UNC93B1: variants seen among roughly 807,000 people sequenced by gnomAD.
UNC93B1 encodes the protein protein unc-93 homolog B1.
A neutral mutation model predicts 56.8 loss-of-function variants in UNC93B1; 33 were observed. That is an observed-to-expected ratio of 0.58 (90% CI 0.44 to 0.78). The LOEUF is 0.78. UNC93B1 is among the 30% of genes least tolerant of loss of function. UNC93B1 has a pLI of 0.00. For synonymous variants in UNC93B1, 334 were observed against 358.6 expected, an observed-to-expected ratio of 0.93 and a Z score of 0.77; for missense variants, 673 against 819.5, an observed-to-expected ratio of 0.82 and a Z score of 2.18.
In UNC93B1 at chr11:68,002,185, TACAC is replaced by T. The variant is rs60629377; in HGVS notation, c.392+833_392+836del. Among the ~76,000 whole-genome samples the T allele has an allele frequency of 1.3e-3, 179 of 140,780 alleles. 1 individual carries two copies. Among genetic ancestry groups the T allele is most frequent in the Middle Eastern group, 7.1e-3 (2 of 280 alleles). The allele number at this position is 140,780 out of a possible 152,430, so 92.4% of individuals were successfully genotyped here. A position where few individuals can be genotyped will look rare whatever the true frequency, so the allele number is the denominator to read the frequency against. On this transcript the variant is annotated intron_variant, in intron 3 of 10. Transcript: ENST00000227471. ...CAAAAGCAAACATAGCCCGCTTGCA[TACAC>T]ACACACACACACACACACACACACA...
At chr11:67,996,253 A>G (rs1470665497) in intron 8 of UNC93B1, among the ~76,000 whole-genome samples, 1 of 151,902 alleles carries the variant, frequency 6.6e-6, no homozygotes, top group East Asian at 2.0e-4. Context: ...TCCTTAGGCC[A>G]CACCCTGCCC....
intron 9 of UNC93B1, 35 bp downstream of exon 9, chr11:67,995,576 G>T (rs868074860): frequency 6.7e-5 from 7 of 104,854 alleles, no homozygotes; most frequent in South Asian, 9.6e-5. Flanking sequence ...CCCCTGCCCC[G>T]CCCCCCCCCC....
At chr11:67,992,093 C>T (rs1298870892) in intron 10 of UNC93B1, among the ~76,000 whole-genome samples, 1 of 152,268 alleles carries the variant, frequency 6.6e-6, no homozygotes, top group Non-Finnish European at 1.5e-5. Flanking sequence ...GTGTCCCACA[C>T]TGTAAGGGGA....
At chr11:67,995,067 G>A (rs1856911870) in intron 9 of UNC93B1, among the ~76,000 whole-genome samples, 1 of 152,162 alleles carries the variant, frequency 6.6e-6, no homozygotes, top group Non-Finnish European at 1.5e-5. Flanking sequence ...TCTATACAAA[G>A]GCCCATGTCT....
At chr11:67,994,760 G>A (rs13377370) in intron 9 of UNC93B1, among the ~76,000 whole-genome samples, 2,195 of 152,314 alleles carry the variant, frequency 0.014, 45 homozygotes, top group African/African-American at 0.046. Context: ...GCCAGCCTCC[G>A]CCCTGCCAGC....
chr11:67,993,114 GAGTAGCT>G (rs1255825064), intron 10 of UNC93B1, among the ~76,000 whole-genome samples: 1 of 152,086 alleles, frequency 6.6e-6, no homozygotes, highest in African/African-American at 2.4e-5. Flanking sequence ...TCAGCCTCCT[GAGTAGCT>G]GTGATTACAG....
chr11:67,999,398 G>T (rs916081284), intron 4 of UNC93B1, 93 bp from the exon 5 acceptor site: 1 of 1,550,870 alleles, frequency 6.4e-7, no homozygotes, highest in Admixed American at 2.0e-5. Context: ...CAGCCCCGGT[G>T]TGGGGAAACT....
In UNC93B1 at chr11:68,003,392, C is replaced by T; in HGVS notation, c.239-217G>A. The stretch of plus-strand genomic sequence containing the variant: ...GCCCAGACCCCCACCCGCCTTGCTC[C>T]GCCGGCCTCCAATTCTGACGGTGGC... On this transcript the variant is annotated intron_variant, in intron 2 of 10. Transcript: ENST00000227471. The surrounding 1 kb of genome is among the most constrained non-coding windows in gnomAD (Gnocchi z 4.4). 1.2e-6 allele frequency: 1 copy of T among 818,112 alleles called. No individual in the cohort carries two copies. The highest frequency in any genetic ancestry group is 1.8e-6 in the Non-Finnish European group (1 of 553,066). The allele number at this position is 818,112 out of a possible 1,614,324, so 50.7% of individuals were successfully genotyped here.
intron 3 of UNC93B1, among the ~76,000 whole-genome samples, chr11:68,000,390 C>G (rs1857026263): frequency 6.6e-6 from 1 of 152,164 alleles, no homozygotes; most frequent in African/African-American, 2.4e-5. Context: ...ATAGGCCAGG[C>G]ACAGTGGCTC....
chr11:68,003,988 T>C lies in UNC93B1; in HGVS notation c.56A>G (p.Asp19Gly). 7.1e-7 allele frequency: 1 copy of C among 1,399,864 alleles called. No individual in the cohort carries two copies. The highest frequency in any genetic ancestry group is 1.5e-5 in the South Asian group (1 of 66,524). The allele number at this position is 1,399,864 out of a possible 1,614,324, so 86.7% of individuals were successfully genotyped here. A position where few individuals can be genotyped will look rare whatever the true frequency, so the allele number is the denominator to read the frequency against. The change falls in exon 1 of 11, where the codon GAC becomes GGC. Residue 19 changes from aspartate (D) to glycine (G), a missense_variant. Asp to Gly is a moderately conservative substitution (Grantham distance 94, BLOSUM62 -1). Coordinates refer to ENST00000227471, the MANE Select transcript of UNC93B1 (RefSeq NM_030930.4). The surrounding 1 kb of genome is among the most constrained non-coding windows in gnomAD (Gnocchi z 4.4). The stretch of plus-strand genomic sequence containing the variant: ...GTCCGGGACCCCGAGCAGGTCCTCG[T>C]CGCCCTGCGGCCCCGCAGCCCCCGC... ...PMAGAAGPQG[D>G]EDLLGVPDGP... is the part of the protein sequence containing the mutation.
rs568440748 is a variant in UNC93B1 at position 68,003,572 on chromosome 11, G to A, written c.238+85C>T. The A allele has an allele frequency of 6.8e-5, 99 of 1,459,726 alleles. No homozygotes were observed. The African/African-American group carries it at 1.4e-3, about 20-fold the overall frequency. 90.4% of individuals were successfully genotyped at this position (1,459,726 alleles called of 1,614,324 possible). On this transcript the variant is annotated intron_variant, in intron 2 of 10. Coordinates refer to ENST00000227471, the MANE Select transcript of UNC93B1 (RefSeq NM_030930.4). This position sits in a 1 kb window ranked among gnomAD's most constrained non-coding sequence, Gnocchi z 4.4. ...GGCAGCGGAGGGGAAGTGAGAGCGG[G>A]CGGGAGGCGGCGGCCCGCGGTTTCT...
In UNC93B1 at chr11:68,003,196, G is replaced by A. The variant is rs779123773; in HGVS notation, c.239-21C>T. The A allele has an allele frequency of 2.1e-5, 34 of 1,601,656 alleles. No homozygotes were observed. In the South Asian group the frequency reaches 3.2e-4, roughly 15 times the overall value. The stretch of plus-strand genomic sequence containing the variant: ...GAGGCCTGGGGACAGGACAGAGAGC[G>A]GCGTGCAGGGAGCAGCCTAGCTTTG... On this transcript the variant is annotated intron_variant, in intron 2 of 10. Transcript: ENST00000227471. This position sits in a 1 kb window ranked among gnomAD's most constrained non-coding sequence, Gnocchi z 4.4.
chr11:67,998,534 G>C, intron 5 of UNC93B1, 82 bp from the exon 6 acceptor site: 1 of 1,429,748 alleles, frequency 7.0e-7, no homozygotes, highest in Admixed American at 1.7e-5. Context: ...GAGGGGTCCA[G>C]GCACAGCCTT....
chr11:68,003,221 G>C lies in UNC93B1; in HGVS notation c.239-46C>G, dbSNP rs761231646. Reference sequence around the variant, plus strand: ...GGCGTGCAGGGAGCAGCCTAGCTTTGGGCGCCACCGAGCAGAAGACGGCAT... The same window carrying C: ...GGCGTGCAGGGAGCAGCCTAGCTTTCGGCGCCACCGAGCAGAAGACGGCAT... On this transcript the variant is annotated intron_variant, in intron 2 of 10. Transcript: ENST00000227471. This position sits in a 1 kb window ranked among gnomAD's most constrained non-coding sequence, Gnocchi z 4.4. 1.8e-5 allele frequency: 28 copies of C among 1,558,986 alleles called. No homozygotes were observed. In the African/African-American group the frequency reaches 3.6e-4, roughly 20 times the overall value.
At chr11:67,996,982 A>G (rs889791136) in intron 7 of UNC93B1, among the ~76,000 whole-genome samples, 198 bp from the exon 8 acceptor site, 3 of 151,516 alleles carry the variant, frequency 2.0e-5, no homozygotes, top group African/African-American at 7.3e-5. Flanking sequence ...GCCTCTCAGC[A>G]CAAAGCCACG....
In UNC93B1 at chr11:67,999,248, C is replaced by T. The variant is rs1376769839; in HGVS notation, c.612G>A (p.Met204Ile). 1.2e-6 allele frequency: 2 copies of T among 1,613,708 alleles called. No individual in the cohort carries two copies. The highest frequency in any genetic ancestry group is 1.6e-4 in the Middle Eastern group (1 of 6,062). Reference sequence around the variant, plus strand: ...GGGAGCCCCGCGGAGGCCGCTGCTTCATCCCCTGCCCATCCTGCTCCTTGT... The same window carrying T: ...GGGAGCCCCGCGGAGGCCGCTGCTTTATCCCCTGCCCATCCTGCTCCTTGT... ...SHYKEQDGQG[M>I]KQRPPRGSHA... The change falls in exon 5 of 11, where the codon ATG becomes ATA. Residue 204 changes from methionine to isoleucine, a missense_variant. Met to Ile is a conservative substitution (Grantham distance 10). Around this residue, in one of 3 missense-constraint regions of UNC93B1, gnomAD observed 438 missense variants for 465.9 expected, o/e 0.94. Coordinates refer to ENST00000227471, the MANE Select transcript of UNC93B1 (RefSeq NM_030930.4).
At position 68,003,359 on chromosome 11, in the gene UNC93B1, C is replaced by A; in HGVS notation, c.239-184G>T. On this transcript the variant is annotated intron_variant, in intron 2 of 10. Transcript: ENST00000227471. The surrounding 1 kb of genome is among the most constrained non-coding windows in gnomAD (Gnocchi z 4.4). ...CTTCTGCCAGCCCGCGGCCACTTGG[C>A]CAGCTAAGCCCAGACCCCCACCCGC... The A allele has an allele frequency of 2.3e-6, 2 of 875,890 alleles. No homozygotes were observed. Among genetic ancestry groups the A allele is most frequent in the South Asian group, 1.9e-5 (1 of 52,428 alleles). The allele number at this position is 875,890 out of a possible 1,614,324, so 54.3% of individuals were successfully genotyped here.
At chr11:67,999,144 C>A (rs1402531715) in intron 5 of UNC93B1, 29 bp downstream of exon 5, 1 of 1,613,312 alleles carries the variant, frequency 6.2e-7, no homozygotes, top group Non-Finnish European at 8.5e-7. Flanking sequence ...CTGCCCCTGC[C>A]ACCCAACAAT....
At position 68,002,918 on chromosome 11, in the gene UNC93B1, C is replaced by T. The variant is rs574915610; in HGVS notation, c.392+104G>A. 7.8e-6 allele frequency: 11 copies of T among 1,417,598 alleles called. No individual in the cohort carries two copies. The East Asian group carries it at 2.8e-4, about 36-fold the overall frequency. The allele number at this position is 1,417,598 out of a possible 1,614,324, so 87.8% of individuals were successfully genotyped here. Reference sequence around the variant, plus strand: ...GAAAAAAACCTCTCCCTTGTTCCCTCGCCCCACAAACACCCCGGCAGATGG... The same window carrying T: ...GAAAAAAACCTCTCCCTTGTTCCCTTGCCCCACAAACACCCCGGCAGATGG... On this transcript the variant is annotated intron_variant, in intron 3 of 10. Transcript: ENST00000227471.
Sources: gnomAD v4.1 joint callset for allele counts (sites outside exome capture counted in the v4.1 genomes callset) on GRCh38, gnomAD v4.1.1 for gene constraint, gnomAD v4.1.1 regional missense constraint, Gnocchi (gnomAD v3.1) non-coding constraint, MANE v1.5 for transcripts, NCBI Gene and HGNC (gene_info 2026-07-23, HGNC 2026-07-21) for gene names.